The following NRG1 variants were observed in gnomAD, a reference collection of about 807,000 sequenced individuals.
NRG1 encodes pro-neuregulin-1, membrane-bound isoform.
NRG1 carries 18 observed loss-of-function variants against 63.8 expected under a neutral mutation model. The observed-to-expected ratio is 0.28, with a 90% CI of 0.19 to 0.42. The LOEUF is 0.42. NRG1 is among the 10% of genes least tolerant of loss of function. The probability of loss-of-function intolerance (pLI) is 1.00; values close to 1 mark genes in which losing one functional copy is unlikely to be tolerated. For synonymous variants in NRG1, 302 were observed against 301.3 expected, an observed-to-expected ratio of 1.00 and a Z score of -0.02; for missense variants, 762 against 814.7, an observed-to-expected ratio of 0.94 and a Z score of 0.79.
At chr8:32,201,503 T>C (rs2132298734) in intron 1 of NRG1, among the ~76,000 whole-genome samples, 1 of 152,358 alleles carries the variant, frequency 6.6e-6, no homozygotes, top group Non-Finnish European at 1.5e-5. Flanking sequence ...CAACCTCTCC[T>C]GGATGCCTAA....
chr8:32,164,580 A>G lies in NRG1; in HGVS notation c.38-431248A>G, dbSNP rs140775071. 7.6e-3 allele frequency among the ~76,000 whole-genome samples: 1,155 copies of G among 152,322 alleles called. 9 individuals carry two copies. Among genetic ancestry groups the G allele is most frequent in the Non-Finnish European group, 0.013 (852 of 68,008 alleles). On this transcript the variant is annotated intron_variant, in intron 1 of 10. Coordinates refer to the NRG1 transcript ENST00000519301. Reference sequence around the variant, plus strand: ...ATTTTAACACTTTTGAAAAACTGCCATCTACACACTACCGCTTTTTACATT... The same window carrying G: ...ATTTTAACACTTTTGAAAAACTGCCGTCTACACACTACCGCTTTTTACATT...
At chr8:31,769,101 A>C (rs1438542031) in intron 1 of NRG1, among the ~76,000 whole-genome samples, 1 of 152,198 alleles carries the variant, frequency 6.6e-6, no homozygotes, top group African/African-American at 2.4e-5. Flanking sequence ...CATTTTGCCA[A>C]TTTTGTGTCA....
chr8:31,831,807 T>C (rs891964448), intron 1 of NRG1, among the ~76,000 whole-genome samples: 1 of 152,204 alleles, frequency 6.6e-6, no homozygotes, highest in Admixed American at 6.5e-5. Flanking sequence ...TTGAGATTTG[T>C]ATACAAACCC....
intron 1 of NRG1, among the ~76,000 whole-genome samples, chr8:32,174,329 A>G (rs1440777665): frequency 2.0e-5 from 3 of 152,184 alleles, no homozygotes; most frequent in Admixed American, 1.3e-4. Flanking sequence ...GACACATTCA[A>G]AGCAGTGTGT....
intron 3 of NRG1, among the ~76,000 whole-genome samples, chr8:32,610,727 A>G (rs1263038085): frequency 6.6e-6 from 1 of 152,162 alleles, no homozygotes; most frequent in Non-Finnish European, 1.5e-5. Context: ...AGAGAAAGTA[A>G]TTTATCCTGT....
chr8:32,743,573 C>CATATAT (rs71879821), intron 7 of NRG1, among the ~76,000 whole-genome samples: 5,866 of 113,684 alleles, frequency 0.052, 502 homozygotes, highest in African/African-American at 0.18. Context: ...TAAGGCAAAA[C>CATATAT]ATATATATAT....
chr8:32,029,600 T>C (rs1303239437), intron 1 of NRG1: 1 of 152,212 alleles, frequency 6.6e-6, no homozygotes, highest in Admixed American at 6.5e-5. Flanking sequence ...ACTTTACTAT[T>C]TGTTACAAAG....
At chr8:32,237,664 G>C (rs1383960) in intron 1 of NRG1, among the ~76,000 whole-genome samples, 1 of 151,942 alleles carries the variant, frequency 6.6e-6, no homozygotes, top group Non-Finnish European at 1.5e-5. Context: ...GACAATAAGC[G>C]CTGAGTTATG....
intron 1 of NRG1, chr8:31,639,513 G>C: frequency 6.6e-7 from 1 of 1,514,180 alleles, no homozygotes; most frequent in Non-Finnish European, 8.8e-7. Flanking sequence ...CGCCTCCAGG[G>C]CTCTCTCCCT....
At chr8:31,927,296 A>G (rs924031673) in intron 1 of NRG1, among the ~76,000 whole-genome samples, 1 of 152,136 alleles carries the variant, frequency 6.6e-6, no homozygotes, top group East Asian at 1.9e-4. Flanking sequence ...TCTAATATAT[A>G]AAAAATAATT....
chr8:32,101,428 G>A (rs999946535), intron 1 of NRG1, among the ~76,000 whole-genome samples: 2 of 151,004 alleles, frequency 1.3e-5, no homozygotes, highest in African/African-American at 4.9e-5. Context: ...CTTAAAGAAC[G>A]AGAAGGAGGC....
Position 32,729,188 on chromosome 8 carries a change from G to T in NRG1, c.632+1110G>T, listed in dbSNP as rs1481570637. On this transcript the variant is annotated intron_variant, in intron 6 of 11. Transcript: ENST00000356819. The stretch of plus-strand genomic sequence containing the variant: ...TTAAACCTTGTAGTAAAAACTAATA[G>T]GACTCATTAAAAAGTATGTTTATTT... Among the ~76,000 whole-genome samples, 3 of 152,186 alleles carry T rather than the reference G, an allele frequency of 2.0e-5. No homozygotes were observed. The East Asian group carries it at 5.8e-4, about 29-fold the overall frequency.
chr8:32,039,492 G>A (rs1819593636), intron 1 of NRG1, among the ~76,000 whole-genome samples: 1 of 152,084 alleles, frequency 6.6e-6, no homozygotes, highest in African/African-American at 2.4e-5. Context: ...GTTGTTTTGT[G>A]TTTTGTTTTT....
intron 5 of NRG1, among the ~76,000 whole-genome samples, chr8:32,714,894 G>C (rs1351562330): frequency 6.6e-6 from 1 of 152,220 alleles, no homozygotes; most frequent in Non-Finnish European, 1.5e-5. Context: ...GCCAGACTCA[G>C]TGGCTGTGAT....
intron 1 of NRG1, among the ~76,000 whole-genome samples, chr8:32,419,319 G>T (rs1816367147): frequency 1.3e-5 from 2 of 152,180 alleles, no homozygotes; most frequent in African/African-American, 4.8e-5. Context: ...TTTTGCAGTA[G>T]GCGTTGGAAC....
chr8:31,744,498 C>T (rs1435341651), intron 1 of NRG1, among the ~76,000 whole-genome samples: 1 of 151,984 alleles, frequency 6.6e-6, no homozygotes, highest in Admixed American at 6.6e-5. Flanking sequence ...TGCACCCAAC[C>T]CAATAGCAGG....
chr8:31,645,780 C>T (rs1284769545), intron 1 of NRG1, among the ~76,000 whole-genome samples: 4 of 152,124 alleles, frequency 2.6e-5, no homozygotes, highest in Non-Finnish European at 4.4e-5. Context: ...AAAATTTATA[C>T]TTTGTTTTAA....
chr8:32,690,788 T>C (rs1206269505), intron 5 of NRG1, among the ~76,000 whole-genome samples: 1 of 152,114 alleles, frequency 6.6e-6, no homozygotes, highest in Non-Finnish European at 1.5e-5. Flanking sequence ...TCTTGGTACT[T>C]AGGCTGAGCT....
chr8:31,917,766 G>A (rs567025637), intron 1 of NRG1, among the ~76,000 whole-genome samples: 8 of 152,232 alleles, frequency 5.3e-5, no homozygotes, highest in Admixed American at 1.3e-4. Flanking sequence ...TCTTGATGGG[G>A]ATGGCATTGA....
Sources: allele counts gnomAD v4.1 joint callset (sites outside exome capture counted in the v4.1 genomes callset), GRCh38; gene constraint gnomAD v4.1.1; transcripts MANE v1.5; gene names NCBI Gene and HGNC (gene_info 2026-07-23, HGNC 2026-07-21).